MAN1C1: variants seen among roughly 807,000 people sequenced by gnomAD.
The protein encoded by MAN1C1 is mannosyl-oligosaccharide 1,2-alpha-mannosidase IC.
In MAN1C1, 49 loss-of-function variants were observed where a neutral mutation model predicts 71.5. That is an observed-to-expected ratio of 0.69 (90% CI 0.54 to 0.87). The LOEUF is 0.87. MAN1C1 is among the 40% of genes least tolerant of loss of function. The pLI is 0.00. For missense variants in MAN1C1, 743 were observed against 835.0 expected (o/e 0.89, Z 1.36); for synonymous variants, 352 against 343.7 (o/e 1.02, Z -0.27).
intron 1 of MAN1C1, among the ~76,000 whole-genome samples, chr1:25,681,087 GA>G (rs1171179789): frequency 1.3e-5 from 2 of 151,670 alleles, no homozygotes; most frequent in East Asian, 1.9e-4. Flanking sequence ...TACTAAAAAA[GA>G]AAAAAAGCAT....
At chr1:25,624,138 G>T (rs537789965) in intron 1 of MAN1C1, among the ~76,000 whole-genome samples, 1 of 152,354 alleles carries the variant, frequency 6.6e-6, no homozygotes, top group Non-Finnish European at 1.5e-5. Flanking sequence ...TTGCCATGCA[G>T]ATGATGGTAA....
intron 11 of MAN1C1, among the ~76,000 whole-genome samples, chr1:25,783,395 A>C (rs1176018297): frequency 1.3e-5 from 2 of 152,150 alleles, no homozygotes; most frequent in East Asian, 3.9e-4. Context: ...GCTCACATAC[A>C]GGGCCGGGCA....
At chr1:25,770,143 C>T (rs2047530611) in intron 7 of MAN1C1, among the ~76,000 whole-genome samples, 1 of 152,210 alleles carries the variant, frequency 6.6e-6, no homozygotes, top group African/African-American at 2.4e-5. Flanking sequence ...CCCAGCCCTT[C>T]TCTTCTGTGG....
At chr1:25,712,169 A>C (rs2046621413) in intron 2 of MAN1C1, among the ~76,000 whole-genome samples, 1 of 152,250 alleles carries the variant, frequency 6.6e-6, no homozygotes, top group Non-Finnish European at 1.5e-5. Flanking sequence ...TGTGGAAAGT[A>C]ACAGTACTGG....
intron 1 of MAN1C1, among the ~76,000 whole-genome samples, chr1:25,628,398 C>T (rs922725021): frequency 1.3e-5 from 2 of 152,158 alleles, no homozygotes; most frequent in Admixed American, 6.5e-5. Flanking sequence ...AACTCCGCCT[C>T]CCGGGTTCAA....
At chr1:25,620,890 T>C (rs1001314585) in intron 1 of MAN1C1, among the ~76,000 whole-genome samples, 6 of 152,244 alleles carry the variant, frequency 3.9e-5, no homozygotes, top group African/African-American at 1.2e-4. Flanking sequence ...CTGCAGGTTC[T>C]GGGCATGCAT....
chr1:25,653,443 A>T (rs1557750249), intron 1 of MAN1C1, among the ~76,000 whole-genome samples: 1 of 152,150 alleles, frequency 6.6e-6, no homozygotes. Context: ...AGGGGCCTTT[A>T]TGGTAAACCA....
At chr1:25,662,184 GGGACCCA>G (rs2124104003) in intron 1 of MAN1C1, among the ~76,000 whole-genome samples, 2 of 152,374 alleles carry the variant, frequency 1.3e-5, no homozygotes, top group Admixed American at 1.3e-4. Flanking sequence ...CCAGGAGGCA[GGGACCCA>G]TGTCTGTCCT....
At chr1:25,684,590 A>T (rs1012637811) in intron 1 of MAN1C1, among the ~76,000 whole-genome samples, 2 of 152,236 alleles carry the variant, frequency 1.3e-5, no homozygotes, top group African/African-American at 2.4e-5. Context: ...CGGAGAGTCC[A>T]GGCCATGCAC....
intron 1 of MAN1C1, among the ~76,000 whole-genome samples, chr1:25,640,993 C>A (rs979365342): frequency 6.6e-6 from 1 of 152,102 alleles, no homozygotes; most frequent in Non-Finnish European, 1.5e-5. Flanking sequence ...CTAATAGGAG[C>A]GGGATTCAGG....
chr1:25,741,126 TGGAGAC>T (rs2047058305), intron 2 of MAN1C1, among the ~76,000 whole-genome samples: 2 of 151,752 alleles, frequency 1.3e-5, no homozygotes, highest in South Asian at 4.1e-4. Flanking sequence ...GACCTTCAAG[TGGAGAC>T]ATGCATGCAG....
chr1:25,623,021 C>T (rs761335836), intron 1 of MAN1C1, among the ~76,000 whole-genome samples: 1 of 152,180 alleles, frequency 6.6e-6, no homozygotes, highest in Non-Finnish European at 1.5e-5. Context: ...CTTCCAAGAG[C>T]TCTGTTTGAG....
Position 25,778,194 on chromosome 1 carries a change from G to T in MAN1C1, c.1347G>T (p.Gly449=). The T allele has an allele frequency of 6.2e-7, 1 of 1,613,386 alleles. No homozygotes were observed. The highest frequency in any genetic ancestry group is 8.5e-7 in the Non-Finnish European group (1 of 1,179,562). The stretch of plus-strand genomic sequence containing the variant: ...GGGGGATTCTGGACCACAAGATGGG[G>T]CACCTGGCCTGTTTCTCCGGGGGCA... ...WRGGILDHKM[G]HLACFSGGMI... The change falls in exon 9 of 12, where the codon GGG becomes GGT. Residue 449 remains glycine (G), a synonymous_variant. Transcript: ENST00000374332. This position sits in a 1 kb window ranked among gnomAD's most constrained non-coding sequence, Gnocchi z 5.5.
chr1:25,630,089 G>C (rs1364498477), intron 1 of MAN1C1, among the ~76,000 whole-genome samples: 3 of 152,010 alleles, frequency 2.0e-5, no homozygotes, highest in Non-Finnish European at 4.4e-5. Flanking sequence ...TAGGGATCCA[G>C]TTTCATTCCT....
At position 25,783,687 on chromosome 1, in the gene MAN1C1, A is replaced by C. The variant is rs2047728474; in HGVS notation, c.1791A>C (p.Glu597Asp). 2 of 1,613,086 alleles carry C rather than the reference A, an allele frequency of 1.2e-6. No individual in the cohort carries two copies. Among genetic ancestry groups the C allele is most frequent in the East Asian group, 2.2e-5 (1 of 44,876 alleles). The stretch of plus-strand genomic sequence containing the variant: ...GGTATCTCTATCTTCTGTTCTCTGA[A>C]GATGACTTGCTCTCCCTGGAAGACT... The part of the protein sequence containing the change: ...TLKYLYLLFS[E>D]DDLLSLEDWV... The change falls in exon 12 of 12, where the codon GAA becomes GAC. Residue 597 changes from glutamate to aspartate, a missense_variant. By Grantham distance (45) the Glu-to-Asp change is conservative. Transcript: ENST00000374332.
chr1:25,699,228 A>G (rs2046405262), intron 2 of MAN1C1, among the ~76,000 whole-genome samples: 1 of 151,242 alleles, frequency 6.6e-6, no homozygotes, highest in African/African-American at 2.4e-5. Context: ...TGAACCGGAG[A>G]GGTCGAGATT....
intron 1 of MAN1C1, among the ~76,000 whole-genome samples, chr1:25,652,503 G>A (rs2045707751): frequency 1.3e-5 from 2 of 152,212 alleles, no homozygotes; most frequent in African/African-American, 4.8e-5. Flanking sequence ...CAGGCATGGG[G>A]CCGAGTTGCT....
chr1:25,663,547 G>A (rs768430757), intron 1 of MAN1C1, among the ~76,000 whole-genome samples: 9 of 152,096 alleles, frequency 5.9e-5, no homozygotes, highest in Non-Finnish European at 1.3e-4. Context: ...AAAATACTTC[G>A]TTGTACTGTA....
chr1:25,659,645 GC>G (rs1409339394), intron 1 of MAN1C1, among the ~76,000 whole-genome samples: 1 of 152,202 alleles, frequency 6.6e-6, no homozygotes, highest in African/African-American at 2.4e-5. Context: ...GTCCATTGAA[GC>G]AGAATCTCCT....
Sources: allele counts gnomAD v4.1 joint callset (sites outside exome capture counted in the v4.1 genomes callset), GRCh38; gene constraint gnomAD v4.1.1; non-coding constraint Gnocchi (gnomAD v3.1); transcripts MANE v1.5; gene names NCBI Gene and HGNC (gene_info 2026-07-23, HGNC 2026-07-21).